ARRB1: variants seen among roughly 807,000 people sequenced by gnomAD.
The protein encoded by ARRB1 is beta-arrestin-1.
In ARRB1, 21 loss-of-function variants were observed where a neutral mutation model predicts 56.8. The observed-to-expected ratio is 0.37, with a 90% CI of 0.26 to 0.53. The LOEUF is 0.53. ARRB1 is among the 20% of genes least tolerant of loss of function. The probability of loss-of-function intolerance (pLI) is 0.88; values close to 1 mark genes in which losing one functional copy is unlikely to be tolerated. For missense variants in ARRB1, 424 were observed against 553.7 expected (o/e 0.77, Z 2.35); for synonymous variants, 210 against 218.6 (o/e 0.96, Z 0.35).
chr11:75,269,042 G>A, intron 13 of ARRB1, 83 bp from the exon 14 acceptor site: 2 of 1,459,476 alleles, frequency 1.4e-6, no homozygotes, highest in Non-Finnish European at 1.9e-6. Flanking sequence ...TCAGTCCGAG[G>A]ACTGCAGAGG....
intron 1 of ARRB1, among the ~76,000 whole-genome samples, chr11:75,324,558 A>G (rs1947401083): frequency 6.6e-6 from 1 of 152,122 alleles, no homozygotes; most frequent in South Asian, 2.1e-4. Flanking sequence ...TACCCAAAGA[A>G]GCCCTCCCTG....
At chr11:75,341,099 A>C (rs1045969439) in intron 1 of ARRB1, among the ~76,000 whole-genome samples, 1 of 151,980 alleles carries the variant, frequency 6.6e-6, no homozygotes, top group African/African-American at 2.4e-5. Context: ...GGGAGAGGGA[A>C]GGAGCTGAGA....
At chr11:75,272,752 G>A (rs1463429694) in intron 12 of ARRB1, 143 bp downstream of exon 12, 1 of 703,466 alleles carries the variant, frequency 1.4e-6, no homozygotes, top group African/African-American at 1.8e-5. Context: ...ACAGAAGGGA[G>A]GAAAAGAAGG....
At chr11:75,350,606 C>CGGAG (rs1947833721) in intron 1 of ARRB1, among the ~76,000 whole-genome samples, 1 of 152,206 alleles carries the variant, frequency 6.6e-6, no homozygotes, top group Non-Finnish European at 1.5e-5. Flanking sequence ...TTTCCCCTTT[C>CGGAG]AGAGGCAGAG....
rs79413526 is a variant in ARRB1, at chr11:75,266,310, C to T, written c.1146-36G>A. On this transcript the variant is annotated intron_variant, in intron 15 of 15. Coordinates refer to ENST00000420843, the MANE Select transcript of ARRB1 (RefSeq NM_004041.5). ...AGACAAGGAAAATGTGGTGTGTTTG[C>T]AGGGGCAGGGAGAGTAGGCTTATCC... The T allele has an allele frequency of 1.3e-3, 1,985 of 1,559,844 alleles. 36 individuals are homozygous for T. The African/African-American group carries it at 0.025, about 19-fold the overall frequency.
At chr11:75,349,833 G>A (rs956755571) in intron 1 of ARRB1, among the ~76,000 whole-genome samples, 6 of 152,178 alleles carry the variant, frequency 3.9e-5, no homozygotes, top group East Asian at 1.9e-4. Context: ...ATCTTCTGCC[G>A]TCCCCCCCAA....
At position 75,281,096 on chromosome 11, in the gene ARRB1, A is replaced by G. The variant is rs770338827; in HGVS notation, c.461T>C (p.Leu154Ser). The G allele has an allele frequency of 2.5e-6, 4 of 1,603,408 alleles. No homozygotes were observed. The African/African-American group carries it at 4.0e-5, about 16-fold the overall frequency. ...TCACCGCTTGTGGATCTTCTCCTCCAAATTCTCCGCGCAGAAGGCTTTGAC... is the reference window on the plus strand; with the variant it reads ...TCACCGCTTGTGGATCTTCTCCTCCGAATTCTCCGCGCAGAAGGCTTTGAC... ...YEVKAFCAENLEEKIHKRNSV... is the reference protein window; with the variant it reads ...YEVKAFCAENSEEKIHKRNSV... The change falls in exon 7 of 16, where the codon TTG (leucine) becomes TCG (serine). Residue 154 changes from leucine (L) to serine (S), a missense_variant. This residue lies in a region of ARRB1 where 301 missense variants were observed against 387.9 expected (regional missense o/e 0.78). Coordinates refer to ENST00000420843, the MANE Select transcript of ARRB1 (RefSeq NM_004041.5).
intron 4 of ARRB1, 38 bp from the exon 5 acceptor site, chr11:75,283,521 G>A (rs1946398099): frequency 2.6e-6 from 4 of 1,551,262 alleles, no homozygotes; most frequent in Non-Finnish European, 3.5e-6. Flanking sequence ...GGGCCTGGGA[G>A]AGCAGCAAGC....
At position 75,272,963 on chromosome 11, in the gene ARRB1, G is replaced by A; in HGVS notation, c.930C>T (p.Ala310=). The A allele has an allele frequency of 6.2e-7, 1 of 1,614,076 alleles. No individual in the cohort carries two copies. The highest frequency in any genetic ancestry group is 8.5e-7 in the Non-Finnish European group (1 of 1,179,964). The change falls in exon 12 of 16, where the codon GCC becomes GCT. Residue 310 remains alanine (A), a synonymous_variant. Coordinates refer to ENST00000420843, the MANE Select transcript of ARRB1 (RefSeq NM_004041.5). ...CAATGATCCCCAGGATCTCACGGTTGGCACCTTCCCTCAACCTGCAAAGTG... is the reference window on the plus strand; with the variant it reads ...CAATGATCCCCAGGATCTCACGGTTAGCACCTTCCCTCAACCTGCAAAGTG... ...LASSTLLREG[A]NREILGIIVS... is the part of the protein sequence containing the mutation.
rs1259411310 is a variant in ARRB1, at chr11:75,281,098, A to T, written c.459T>A (p.Asn153Lys). ...ACCGCTTGTGGATCTTCTCCTCCAAATTCTCCGCGCAGAAGGCTTTGACTT... is the reference window on the plus strand; with the variant it reads ...ACCGCTTGTGGATCTTCTCCTCCAATTTCTCCGCGCAGAAGGCTTTGACTT... ...DYEVKAFCAENLEEKIHKRNS... is the reference protein window; with the variant it reads ...DYEVKAFCAEKLEEKIHKRNS... The change falls in exon 7 of 16, where the codon AAT becomes AAA. Residue 153 changes from asparagine (N) to lysine (K), a missense_variant. Asn to Lys is a moderately conservative substitution (Grantham distance 94, BLOSUM62 0). This residue lies in a region of ARRB1 where 301 missense variants were observed against 387.9 expected (regional missense o/e 0.78). Transcript: ENST00000420843. 1.2e-6 allele frequency: 2 copies of T among 1,603,430 alleles called. No homozygotes were observed. The highest frequency in any genetic ancestry group is 1.7e-6 in the Non-Finnish European group (2 of 1,174,814).
At chr11:75,298,640 G>T (rs1946819637) in intron 1 of ARRB1, among the ~76,000 whole-genome samples, 1 of 152,152 alleles carries the variant, frequency 6.6e-6, no homozygotes, top group Non-Finnish European at 1.5e-5. Context: ...TCCTTTAAAA[G>T]TTAAACCGAG....
intron 6 of ARRB1, chr11:75,281,606 C>T (rs1946342966): frequency 1.4e-5 from 5 of 355,026 alleles, no homozygotes; most frequent in Non-Finnish European, 2.1e-5. Flanking sequence ...CACTTCTCTC[C>T]AACCCTCAGT....
chr11:75,291,170 C>G (rs1946605105), intron 1 of ARRB1, among the ~76,000 whole-genome samples: 2 of 152,060 alleles, frequency 1.3e-5, no homozygotes, highest in African/African-American at 4.8e-5. Flanking sequence ...AACCCCATCT[C>G]TACTAAAAAT....
chr11:75,270,605 C>T (rs534124400), intron 13 of ARRB1, among the ~76,000 whole-genome samples: 3 of 150,358 alleles, frequency 2.0e-5, no homozygotes, highest in Admixed American at 6.6e-5. Flanking sequence ...CCAGCCTACC[C>T]GACAGAGTGA....
At chr11:75,341,989 A>G (rs1947699431) in intron 1 of ARRB1, among the ~76,000 whole-genome samples, 1 of 152,172 alleles carries the variant, frequency 6.6e-6, no homozygotes, top group East Asian at 1.9e-4. Flanking sequence ...TCCTAACGAG[A>G]GAAGGAAAGG....
intron 1 of ARRB1, among the ~76,000 whole-genome samples, chr11:75,298,762 C>G (rs913371840): frequency 2.7e-5 from 4 of 148,302 alleles, no homozygotes; most frequent in African/African-American, 1.0e-4. Context: ...TTCAAAATAG[C>G]CAAAAAGAGT....
chr11:75,272,982 C>A lies in ARRB1; in HGVS notation c.915-4G>T, dbSNP rs751144086. 1 of 1,613,786 alleles carries A rather than the reference C, an allele frequency of 6.2e-7. No homozygotes were observed. Among genetic ancestry groups the A allele is most frequent in the Non-Finnish European group, 8.5e-7 (1 of 1,179,784 alleles). On this transcript the variant is annotated splice_polypyrimidine_tract_variant and splice_region_variant and intron_variant, in intron 11 of 15. Coordinates refer to ENST00000420843, the MANE Select transcript of ARRB1 (RefSeq NM_004041.5). Reference sequence around the variant, plus strand: ...ACGGTTGGCACCTTCCCTCAACCTGCAAAGTGACACAGGGGAGCCAGTTCA... The same window carrying A: ...ACGGTTGGCACCTTCCCTCAACCTGAAAAGTGACACAGGGGAGCCAGTTCA...
intron 14 of ARRB1, among the ~76,000 whole-genome samples, 182 bp from the exon 15 acceptor site, chr11:75,267,885 G>A (rs1045317277): frequency 3.9e-5 from 6 of 152,166 alleles, no homozygotes; most frequent in African/African-American, 1.4e-4. Flanking sequence ...CATCTGAAAG[G>A]CAGGGAGGAT....
chr11:75,328,301 T>C (rs1315969059), intron 1 of ARRB1, among the ~76,000 whole-genome samples: 1 of 152,254 alleles, frequency 6.6e-6, no homozygotes, highest in Non-Finnish European at 1.5e-5. Flanking sequence ...GGGTGAATAA[T>C]GTTGTACAGC....
Sources: gnomAD v4.1 joint callset for allele counts (sites outside exome capture counted in the v4.1 genomes callset) on GRCh38, gnomAD v4.1.1 for gene constraint, gnomAD v4.1.1 regional missense constraint, MANE v1.5 for transcripts, NCBI Gene and HGNC (gene_info 2026-07-23, HGNC 2026-07-21) for gene names.